ACTN2: variants seen among roughly 807,000 people sequenced by gnomAD.
The protein encoded by ACTN2 is actinin alpha 2.
ACTN2 carries 39 observed loss-of-function variants against 113.8 expected under a neutral mutation model. The ratio of observed to expected loss-of-function variants is 0.34; its 90% CI spans 0.27 to 0.45. The LOEUF is 0.45. ACTN2 is among the 20% of genes least tolerant of loss of function. The pLI is 1.00. For synonymous variants in ACTN2, 429 were observed against 444.1 expected, an observed-to-expected ratio of 0.97 and a Z score of 0.43; for missense variants, 992 against 1,177.9, an observed-to-expected ratio of 0.84 and a Z score of 2.31.
At position 236,725,939 on chromosome 1, in the gene ACTN2, C is replaced by T; in HGVS notation, c.455C>T (p.Ser152Phe). Reference sequence around the variant, plus strand: ...TTCTTGGCTGTCATTACAGAAACATCTGCCAAAGAAGGTCTGCTGCTTTGG... The same window carrying T: ...TTCTTGGCTGTCATTACAGAAACATTTGCCAAAGAAGGTCTGCTGCTTTGG... The part of the protein sequence containing the change: ...AIQDISVEET[S>F]AKEGLLLWCQ... Residue 152 changes from serine (S) to phenylalanine (F), a missense_variant, in exon 5 of 21, where the codon TCT (serine) becomes TTT (phenylalanine). Physicochemically the swap from Ser to Phe is radical, Grantham distance 155 (BLOSUM62 -2). This residue lies in a region of ACTN2 where 220 missense variants were observed against 337.5 expected (regional missense o/e 0.65). Transcript: ENST00000366578. 6.2e-7 allele frequency: 1 copy of T among 1,614,160 alleles called. No homozygotes were observed.
chr1:236,726,114 T>C (rs1658543055), intron 5 of ACTN2, 94 bp downstream of exon 5: 1 of 1,126,210 alleles, frequency 8.9e-7, no homozygotes, highest in South Asian at 1.2e-5. Flanking sequence ...TTTCCTCCTG[T>C]CTGAGAAGCC....
intron 1 of ACTN2, among the ~76,000 whole-genome samples, chr1:236,716,099 CTT>C (rs74259944): frequency 5.0e-3 from 585 of 118,074 alleles, no homozygotes; most frequent in African/African-American, 0.012. Context: ...CCTTCTTCTT[CTT>C]TTTTTTTTTT....
chr1:236,751,341 A>C, intron 14 of ACTN2, 129 bp from the exon 15 acceptor site: 1 of 1,162,280 alleles, frequency 8.6e-7, no homozygotes, highest in Non-Finnish European at 1.2e-6. Flanking sequence ...TAAAGCATTC[A>C]GAATGTGTTT....
At chr1:236,717,266 A>C (rs1039120235) in intron 1 of ACTN2, among the ~76,000 whole-genome samples, 4 of 152,024 alleles carry the variant, frequency 2.6e-5, no homozygotes, top group Admixed American at 2.6e-4. Context: ...CAACATAGCA[A>C]GACCCCATCT....
chr1:236,749,350 T>C (rs1659328763), intron 14 of ACTN2, 86 bp downstream of exon 14: 1 of 1,561,700 alleles, frequency 6.4e-7, no homozygotes, highest in Admixed American at 1.8e-5. Context: ...GGTTTCTTGT[T>C]TTCTTGCTTT....
chr1:236,735,753 T>TTAC (rs1325920083), intron 8 of ACTN2, 33 bp downstream of exon 8: 1 of 1,585,078 alleles, frequency 6.3e-7, no homozygotes, highest in Non-Finnish European at 8.7e-7. Context: ...GGCTGTTGTG[T>TTAC]TACTCTCTGT....
chr1:236,715,256 A>G (rs546770367), intron 1 of ACTN2, among the ~76,000 whole-genome samples: 122 of 150,386 alleles, frequency 8.1e-4, no homozygotes, highest in Non-Finnish European at 3.2e-4. Context: ...TGCTGCACCT[A>G]TTAACTCGTC....
At chr1:236,712,042 C>T (rs1290620234) in intron 1 of ACTN2, among the ~76,000 whole-genome samples, 14 of 152,142 alleles carry the variant, frequency 9.2e-5, no homozygotes, top group Admixed American at 6.5e-5. Context: ...TTGCATGGAC[C>T]CACTTTCATT....
At chr1:236,718,625 G>A (rs533608235) in intron 2 of ACTN2, among the ~76,000 whole-genome samples, 1 of 152,308 alleles carries the variant, frequency 6.6e-6, no homozygotes, top group African/African-American at 2.4e-5. Flanking sequence ...TCATTTGTAA[G>A]TTGGATCATG....
chr1:236,757,688 G>T, intron 18 of ACTN2, 56 bp downstream of exon 18: 1 of 1,598,762 alleles, frequency 6.3e-7, no homozygotes, highest in Non-Finnish European at 8.6e-7. Flanking sequence ...CAATGTATCT[G>T]AAATAATATG....
intron 1 of ACTN2, among the ~76,000 whole-genome samples, chr1:236,715,169 T>TA (rs1658145571): frequency 7.0e-6 from 1 of 143,244 alleles, no homozygotes; most frequent in Admixed American, 7.0e-5. Flanking sequence ...TTTTTTTTTT[T>TA]ATTCTACTTT....
Position 236,705,722 on chromosome 1 carries a change from A to G in ACTN2, c.127-12136A>G, listed in dbSNP as rs984307084. ...CAGGCATTTCACCTTTCCAAATTCC[A>G]TAGTTTCCATCCTTTCTGGAAGTTA... On this transcript the variant is annotated intron_variant, in intron 1 of 20. Transcript: ENST00000366578. Among the ~76,000 whole-genome samples the G allele has an allele frequency of 2.0e-5, 3 of 152,216 alleles. No homozygotes were observed. In the East Asian group the frequency reaches 5.8e-4, roughly 29 times the overall value.
intron 7 of ACTN2, chr1:236,734,521 G>A (rs1658808214): frequency 1.3e-6 from 2 of 1,531,020 alleles, no homozygotes; most frequent in African/African-American, 1.4e-5. Context: ...CACAGAAGGT[G>A]AGGATGTAAA....
chr1:236,723,248 G>A (rs1658453671), intron 4 of ACTN2, among the ~76,000 whole-genome samples: 1 of 152,178 alleles, frequency 6.6e-6, no homozygotes, highest in African/African-American at 2.4e-5. Context: ...ACAACTGGCT[G>A]TGGAGTTCCA....
intron 13 of ACTN2, among the ~76,000 whole-genome samples, chr1:236,748,813 T>C (rs1027418971): frequency 6.6e-6 from 1 of 152,246 alleles, no homozygotes; most frequent in Admixed American, 6.5e-5. Context: ...CTGCTTTAGC[T>C]GAAAGCAAGT....
chr1:236,724,274 C>T (rs1460038446), intron 4 of ACTN2, among the ~76,000 whole-genome samples: 4 of 152,160 alleles, frequency 2.6e-5, no homozygotes, highest in African/African-American at 7.2e-5. Context: ...GCCCCACCCT[C>T]GTGACCTCAT....
intron 1 of ACTN2, among the ~76,000 whole-genome samples, chr1:236,715,771 C>G (rs1048591948): frequency 6.6e-6 from 1 of 152,066 alleles, no homozygotes; most frequent in East Asian, 1.9e-4. Flanking sequence ...GTCTGGCCAA[C>G]ATGGCAAAAC....
At chr1:236,732,431 A>T (rs77047041) in intron 7 of ACTN2, among the ~76,000 whole-genome samples, 9,760 of 149,832 alleles carry the variant, frequency 0.065, 366 homozygotes, top group Admixed American at 0.13. Flanking sequence ...TTTTCTTTTT[A>T]TTTTTTATTT....
At chr1:236,688,347 G>A (rs1665948418) in intron 1 of ACTN2, among the ~76,000 whole-genome samples, 2 of 151,032 alleles carry the variant, frequency 1.3e-5, no homozygotes, top group South Asian at 2.1e-4. Flanking sequence ...TTTTGAAAGT[G>A]ATGGTCTAAT....
Sources: allele counts gnomAD v4.1 joint callset (sites outside exome capture counted in the v4.1 genomes callset), GRCh38; gene constraint gnomAD v4.1.1; regional missense constraint gnomAD v4.1.1; transcripts MANE v1.5; gene names NCBI Gene and HGNC (gene_info 2026-07-23, HGNC 2026-07-21).